WDSUB1: variants seen among roughly 807,000 people sequenced by gnomAD.
WDSUB1 encodes WD repeat, SAM and U-box domain-containing protein 1.
In WDSUB1, 49 loss-of-function variants were observed where a neutral mutation model predicts 53.9. That is an observed-to-expected ratio of 0.91 (90% CI 0.72 to 1.15). WDSUB1 has a LOEUF of 1.15. Ranked by LOEUF, WDSUB1 falls within the 50% of genes most tolerant of loss-of-function variation. The pLI is 0.00. For synonymous variants in WDSUB1, 194 were observed against 200.6 expected (o/e 0.97, Z 0.28); for missense variants, 514 against 562.0 (o/e 0.91, Z 0.86).
intron 5 of WDSUB1, among the ~76,000 whole-genome samples, chr2:159,263,664 G>A (rs1281550000): frequency 1.3e-5 from 2 of 152,154 alleles, no homozygotes; most frequent in Non-Finnish European, 2.9e-5. Context: ...TTTAGAGGAG[G>A]ATGCTATGAA....
At chr2:159,255,336 A>G (rs12619230) in intron 9 of WDSUB1, among the ~76,000 whole-genome samples, 6 of 152,124 alleles carry the variant, frequency 3.9e-5, no homozygotes, top group East Asian at 3.9e-4. Flanking sequence ...GCATGGTGGC[A>G]GGCGCCTGTA....
At chr2:159,242,248 G>A (rs1273630614) in intron 10 of WDSUB1, among the ~76,000 whole-genome samples, 3 of 145,924 alleles carry the variant, frequency 2.1e-5, no homozygotes, top group Non-Finnish European at 3.0e-5. Flanking sequence ...TAGTAGAGAC[G>A]GGGTTTTACC....
Position 159,248,385 on chromosome 2 carries a change from C to A in WDSUB1, c.1260G>T (p.Pro420=), listed in dbSNP as rs73004952. The A allele has an allele frequency of 0.031, 49,156 of 1,610,482 alleles. 1,212 individuals carry two copies. Among genetic ancestry groups the A allele is most frequent in the African/African-American group, 0.075 (5,598 of 74,704 alleles). ...CPITRELMKD[P]VIASDGYSYE... ...CATCACACATACCTGATGCGATGAC[C>A]GGATCTTTCATAAGTTCTCTAGTTA... Residue 420 remains proline (P), a synonymous_variant, in exon 10 of 11, where the codon CCG becomes CCT. Coordinates refer to ENST00000359774, the MANE Select transcript of WDSUB1 (RefSeq NM_001128212.3).
At chr2:159,268,920 T>G (rs996939469) in intron 5 of WDSUB1, among the ~76,000 whole-genome samples, 6 of 151,784 alleles carry the variant, frequency 4.0e-5, no homozygotes, top group African/African-American at 1.5e-4. Context: ...ATGGACCAGT[T>G]TAATATATTA....
rs111752652 is a variant in WDSUB1, at chr2:159,280,708, A to AAAAAAACAAAAAAAC, written c.399-764_399-763insGTTTTTTTGTTTTTT. On this transcript the variant is annotated intron_variant, in intron 2 of 10. Transcript: ENST00000359774. ...TCCGTCTCAAAAAAAAAAAAAAAAA[A>AAAAAAACAAAAAAAC]ATTACCCAGAAGCAATGGCGAGGTC... Among the ~76,000 whole-genome samples, 288 of 134,360 alleles carry AAAAAAACAAAAAAAC rather than the reference A, an allele frequency of 2.1e-3. 6 individuals are homozygous for AAAAAAACAAAAAAAC. Among genetic ancestry groups the AAAAAAACAAAAAAAC allele is most frequent in the African/African-American group, 9.1e-3 (271 of 29,676 alleles). The allele number at this position is 134,360 out of a possible 152,430, so 88.1% of individuals were successfully genotyped here.
At chr2:159,244,147 C>CA (rs1256611168) in intron 10 of WDSUB1, among the ~76,000 whole-genome samples, 36 of 152,186 alleles carry the variant, frequency 2.4e-4, no homozygotes, top group Non-Finnish European at 4.1e-4. Context: ...TGAATGCTTT[C>CA]CCTCTAAGTG....
chr2:159,250,160 G>A (rs1280781720), intron 9 of WDSUB1, among the ~76,000 whole-genome samples: 1 of 151,274 alleles, frequency 6.6e-6, no homozygotes, highest in Non-Finnish European at 1.5e-5. Context: ...GCTGTGTCAC[G>A]AGTAATAAAC....
At position 159,248,419 on chromosome 2, in the gene WDSUB1, A is replaced by G. The variant is rs2060870358; in HGVS notation, c.1226T>C (p.Ile409Thr). Reference protein sequence around the residue: ...SLSSGIPDEFICPITRELMKD... With the variant: ...SLSSGIPDEFTCPITRELMKD... ...CATAAGTTCTCTAGTTATTGGACAT[A>G]TAAATTCATCAGGAATTCCTGAAGA... The change falls in exon 10 of 11, where the codon ATA becomes ACA. Residue 409 changes from isoleucine (I) to threonine (T), a missense_variant. By Grantham distance (89) the Ile-to-Thr change is moderately conservative (BLOSUM62 -1). Coordinates refer to ENST00000359774, the MANE Select transcript of WDSUB1 (RefSeq NM_001128212.3). 1 of 1,611,120 alleles carries G rather than the reference A, an allele frequency of 6.2e-7. No individual in the cohort carries two copies. Among genetic ancestry groups the G allele is most frequent in the Non-Finnish European group, 8.5e-7 (1 of 1,179,078 alleles).
At chr2:159,271,580 G>T in intron 5 of WDSUB1, 122 bp downstream of exon 5, 1 of 830,008 alleles carries the variant, frequency 1.2e-6, no homozygotes, top group Non-Finnish European at 1.9e-6. Flanking sequence ...AACCAGCAAT[G>T]TTCTATTTCT....
chr2:159,271,503 T>C (rs1203835385), intron 5 of WDSUB1, among the ~76,000 whole-genome samples, 199 bp downstream of exon 5: 1 of 151,844 alleles, frequency 6.6e-6, no homozygotes, highest in Non-Finnish European at 1.5e-5. Context: ...AAAACAGCAG[T>C]AGTGCATATG....
At chr2:159,269,174 T>A (rs1348608281) in intron 5 of WDSUB1, among the ~76,000 whole-genome samples, 1 of 147,378 alleles carries the variant, frequency 6.8e-6, no homozygotes, top group Non-Finnish European at 1.5e-5. Context: ...GATTTTTTTT[T>A]TTTTTTTTTT....
At chr2:159,251,462 G>A (rs138565881) in intron 9 of WDSUB1, among the ~76,000 whole-genome samples, 88 of 152,130 alleles carry the variant, frequency 5.8e-4, no homozygotes, top group Middle Eastern at 3.4e-3. Context: ...CAATCCTAAC[G>A]TCATTTAGAA....
At chr2:159,241,060 G>GA (rs778249972) in intron 10 of WDSUB1, among the ~76,000 whole-genome samples, 8 of 152,210 alleles carry the variant, frequency 5.3e-5, no homozygotes, top group Non-Finnish European at 1.0e-4. Context: ...AACTGCAACT[G>GA]AAAAGCATAC....
In WDSUB1 at chr2:159,248,368, A is replaced by G. The variant is rs768178344; in HGVS notation, c.1273+4T>C. 6.2e-7 allele frequency: 1 copy of G among 1,611,638 alleles called. No homozygotes were observed. The highest frequency in any genetic ancestry group is 1.7e-5 in the Admixed American group (1 of 59,642). Reference sequence around the variant, plus strand: ...CCTGCAACTTAGTATAGCATCACACATACCTGATGCGATGACCGGATCTTT... The same window carrying G: ...CCTGCAACTTAGTATAGCATCACACGTACCTGATGCGATGACCGGATCTTT... On this transcript the variant is annotated splice_donor_region_variant and intron_variant, in intron 10 of 10. Coordinates refer to ENST00000359774, the MANE Select transcript of WDSUB1 (RefSeq NM_001128212.3).
At chr2:159,239,087 G>A (rs1483620231) in intron 10 of WDSUB1, among the ~76,000 whole-genome samples, 5 of 151,974 alleles carry the variant, frequency 3.3e-5, no homozygotes, top group African/African-American at 1.2e-4. Flanking sequence ...CTGCAGCCTC[G>A]ACCTCCCAGG....
chr2:159,262,659 A>C (rs1484990732), intron 5 of WDSUB1, among the ~76,000 whole-genome samples: 1 of 152,230 alleles, frequency 6.6e-6, no homozygotes, highest in Non-Finnish European at 1.5e-5. Context: ...TTGATAATTC[A>C]TTAGATTTTG....
chr2:159,265,312 CA>C, intron 5 of WDSUB1, among the ~76,000 whole-genome samples: 1 of 151,162 alleles, frequency 6.6e-6, no homozygotes, highest in Admixed American at 6.6e-5. Flanking sequence ...CACACACACA[CA>C]CACACTCACT....
chr2:159,251,280 A>G (rs1363699493), intron 9 of WDSUB1, among the ~76,000 whole-genome samples: 2 of 151,844 alleles, frequency 1.3e-5, no homozygotes, highest in Admixed American at 6.6e-5. Context: ...AAAAATTAAG[A>G]AAAAGAAAAA....
Position 159,256,283 on chromosome 2 carries a change from G to C in WDSUB1, c.1045C>G (p.Leu349Val). Residue 349 changes from leucine (L) to valine (V), a missense_variant, in exon 9 of 11, where the codon CTT (leucine) becomes GTT (valine). Leu to Val is a conservative substitution (Grantham distance 32). Transcript: ENST00000359774. ...TTATTCATCTTGAAAATACCAACAAGATCTTTTAAATCTTGTGCACAAAGC... is the reference window on the plus strand; with the variant it reads ...TTATTCATCTTGAAAATACCAACAACATCTTTTAAATCTTGTGCACAAAGC... ...TWLCAQDLKD[L>V]VGIFKMNNID... 3 of 1,612,158 alleles carry C rather than the reference G, an allele frequency of 1.9e-6. No individual in the cohort carries two copies. Among genetic ancestry groups the C allele is most frequent in the Non-Finnish European group, 1.7e-6 (2 of 1,179,414 alleles).
Sources: gnomAD v4.1 joint callset for allele counts (sites outside exome capture counted in the v4.1 genomes callset) on GRCh38, gnomAD v4.1.1 for gene constraint, MANE v1.5 for transcripts, NCBI Gene and HGNC (gene_info 2026-07-23, HGNC 2026-07-21) for gene names.